Variants in CAMKMT observed in about 807,000 individuals in gnomAD.
The protein encoded by CAMKMT is CaM KMT.
In CAMKMT, 53 loss-of-function variants were observed where a neutral mutation model predicts 48.0. That is an observed-to-expected ratio of 1.10 (90% CI 0.89 to 1.39). The LOEUF is 1.39. CAMKMT is among the 40% of genes most tolerant of loss of function. CAMKMT has a pLI of 0.00. For synonymous variants in CAMKMT, 165 were observed against 152.3 expected, an observed-to-expected ratio of 1.08 and a Z score of -0.61; for missense variants, 428 against 402.7, an observed-to-expected ratio of 1.06 and a Z score of -0.54.
intron 3 of CAMKMT, among the ~76,000 whole-genome samples, chr2:44,425,794 G>A (rs1003238997): frequency 6.6e-6 from 1 of 150,642 alleles, no homozygotes; most frequent in Admixed American, 6.6e-5. Flanking sequence ...GCAATAGCAT[G>A]ATCTTGGCTC....
At chr2:44,639,177 A>C (rs988949387) in intron 3 of CAMKMT, among the ~76,000 whole-genome samples, 1 of 152,244 alleles carries the variant, frequency 6.6e-6, no homozygotes, top group African/African-American at 2.4e-5. Flanking sequence ...GAATATTAAC[A>C]AAGTTAATTC....
At chr2:44,535,422 G>A (rs1022021553) in intron 3 of CAMKMT, among the ~76,000 whole-genome samples, 1 of 152,022 alleles carries the variant, frequency 6.6e-6, no homozygotes, top group Non-Finnish European at 1.5e-5. Flanking sequence ...AACCAGTCAA[G>A]AACAAAACAA....
At chr2:44,605,185 A>C (rs1367485611) in intron 3 of CAMKMT, among the ~76,000 whole-genome samples, 2 of 152,192 alleles carry the variant, frequency 1.3e-5, no homozygotes, top group Non-Finnish European at 2.9e-5. Context: ...GCCGTAAATA[A>C]AAGTGAATTT....
At chr2:44,542,539 T>A (rs4953099) in intron 3 of CAMKMT, among the ~76,000 whole-genome samples, 3,097 of 62,000 alleles carry the variant, frequency 0.05, 125 homozygotes, top group East Asian at 0.32. Context: ...ACACACACAC[T>A]CTCTCTCTCT....
intron 3 of CAMKMT, among the ~76,000 whole-genome samples, chr2:44,600,302 T>C (rs558487193): frequency 1.3e-5 from 2 of 152,106 alleles, no homozygotes; most frequent in African/African-American, 4.8e-5. Flanking sequence ...AGTGTCGCTC[T>C]GTTGCCCAGT....
At chr2:44,608,799 A>G (rs758436002) in intron 3 of CAMKMT, among the ~76,000 whole-genome samples, 7 of 152,162 alleles carry the variant, frequency 4.6e-5, no homozygotes, top group African/African-American at 1.7e-4. Flanking sequence ...TGAAGAAAAC[A>G]GGGTCATTTG....
At chr2:44,579,186 G>GA (rs1669404046) in intron 3 of CAMKMT, among the ~76,000 whole-genome samples, 1 of 152,162 alleles carries the variant, frequency 6.6e-6, no homozygotes, top group Non-Finnish European at 1.5e-5. Context: ...GATTAGGGCA[G>GA]AAGGTTGTGG....
chr2:44,549,318 G>A (rs549243062), intron 3 of CAMKMT, among the ~76,000 whole-genome samples: 70 of 151,994 alleles, frequency 4.6e-4, no homozygotes, highest in Middle Eastern at 3.4e-3. Context: ...CAACCCCTAT[G>A]GGAATTCTCT....
chr2:44,400,928 G>GTATATATATATA (rs1244824905), intron 3 of CAMKMT: 3 of 74,126 alleles, frequency 4.0e-5, no homozygotes, highest in Admixed American at 1.2e-4. Context: ...ACTTATGTGT[G>GTATATATATATA]TGTATATATA....
chr2:44,509,091 A>G (rs1670404958), intron 3 of CAMKMT, among the ~76,000 whole-genome samples: 2 of 82,726 alleles, frequency 2.4e-5, no homozygotes, highest in South Asian at 1.0e-3. Flanking sequence ...CCCAGACCCC[A>G]TGTCAAAAAA....
rs1341363887 is a variant in CAMKMT at position 44,453,255 on chromosome 2, A to G, written c.376+62950A>G. 4.0e-4 allele frequency among the ~76,000 whole-genome samples: 61 copies of G among 152,068 alleles called. 1 individual carries two copies. Among genetic ancestry groups the G allele is most frequent in the Admixed American group, 4.0e-3 (61 of 15,246 alleles). ...TGCATATTTACTTATACTCACATATATGTTCAATAAGGTTTTTGTTTTACC... is the reference window on the plus strand; with the variant it reads ...TGCATATTTACTTATACTCACATATGTGTTCAATAAGGTTTTTGTTTTACC... On this transcript the variant is annotated intron_variant, in intron 3 of 10. Coordinates refer to ENST00000378494, the MANE Select transcript of CAMKMT (RefSeq NM_024766.5).
Position 44,754,135 on chromosome 2 carries a change from T to TATA in CAMKMT, c.762+17_762+18insATA. 1 of 1,597,624 alleles carries TATA rather than the reference T, an allele frequency of 6.3e-7. No homozygotes were observed. Among genetic ancestry groups the TATA allele is most frequent in the Non-Finnish European group, 8.6e-7 (1 of 1,165,034 alleles). ...CAGCCCAGGGTAAGTATGTTTCTAT[T>TATA]TTCTCCTGAACACTGGCTACAGAAT... On this transcript the variant is annotated intron_variant, in intron 9 of 10. Coordinates refer to ENST00000378494, the MANE Select transcript of CAMKMT (RefSeq NM_024766.5).
intron 3 of CAMKMT, among the ~76,000 whole-genome samples, chr2:44,546,200 C>G (rs998124651): frequency 7.0e-6 from 1 of 143,540 alleles, no homozygotes; most frequent in South Asian, 2.3e-4. Context: ...CACACACACA[C>G]ACATACATGC....
intron 3 of CAMKMT, among the ~76,000 whole-genome samples, chr2:44,436,508 C>T (rs1666264464): frequency 6.6e-6 from 1 of 151,880 alleles, no homozygotes; most frequent in Non-Finnish European, 1.5e-5. Flanking sequence ...TGTAAAAGGT[C>T]AGATAGTAAA....
chr2:44,365,688 C>T (rs1204391618), intron 1 of CAMKMT, among the ~76,000 whole-genome samples: 1 of 152,206 alleles, frequency 6.6e-6, no homozygotes, highest in African/African-American at 2.4e-5. Context: ...GGTTATCAGC[C>T]TACCCTGTGG....
At chr2:44,759,986 A>T (rs1205892720) in intron 9 of CAMKMT, among the ~76,000 whole-genome samples, 1 of 152,188 alleles carries the variant, frequency 6.6e-6, no homozygotes, top group Non-Finnish European at 1.5e-5. Flanking sequence ...CTGATTCAAC[A>T]AACATTTGTT....
chr2:44,449,525 T>C (rs1667181424), intron 3 of CAMKMT, among the ~76,000 whole-genome samples: 1 of 152,170 alleles, frequency 6.6e-6, no homozygotes, highest in African/African-American at 2.4e-5. Flanking sequence ...GATCTCTTTC[T>C]TTTTTCTCAT....
At chr2:44,709,227 G>A (rs888684915) in intron 6 of CAMKMT, among the ~76,000 whole-genome samples, 5 of 152,162 alleles carry the variant, frequency 3.3e-5, no homozygotes, top group Admixed American at 2.6e-4. Context: ...GTCCTCAGAA[G>A]CTCAGCCCTG....
intron 3 of CAMKMT, among the ~76,000 whole-genome samples, chr2:44,621,969 G>A (rs1404222928): frequency 6.6e-6 from 1 of 152,184 alleles, no homozygotes; most frequent in Admixed American, 6.5e-5. Context: ...ATGTAATTTG[G>A]AGGTAAAAGG....
Sources: allele counts gnomAD v4.1 joint callset (sites outside exome capture counted in the v4.1 genomes callset), GRCh38; gene constraint gnomAD v4.1.1; transcripts MANE v1.5; gene names NCBI Gene and HGNC (gene_info 2026-07-23, HGNC 2026-07-21).